Variants in XRN1 observed in about 807,000 individuals in gnomAD.
XRN1 encodes strand-exchange protein 1 homolog.
XRN1 carries 67 observed loss-of-function variants against 222.3 expected under a neutral mutation model. The ratio of observed to expected loss-of-function variants is 0.30; its 90% confidence interval spans 0.25 to 0.37. XRN1 has a LOEUF of 0.37. Ranked by LOEUF, XRN1 falls within the 10% of genes least tolerant of loss-of-function variation. The pLI is 1.00. For missense variants in XRN1, 1,707 were observed against 2,000.2 expected (o/e 0.85, Z 2.80); for synonymous variants, 643 against 652.4 (o/e 0.99, Z 0.22).
intron 33 of XRN1, among the ~76,000 whole-genome samples, chr3:142,336,237 GA>G (rs1203465326): frequency 6.6e-6 from 1 of 152,116 alleles, no homozygotes; most frequent in Admixed American, 6.6e-5. Flanking sequence ...TGAAAAATAT[GA>G]GGGGCATGAG....
At chr3:142,430,804 C>T (rs185872438) in intron 2 of XRN1, among the ~76,000 whole-genome samples, 1 of 152,284 alleles carries the variant, frequency 6.6e-6, no homozygotes, top group Admixed American at 6.5e-5. Context: ...ACCCATGAAC[C>T]GGGACACAGC....
At chr3:142,356,382 A>T (rs541582371) in intron 31 of XRN1, among the ~76,000 whole-genome samples, 2 of 152,276 alleles carry the variant, frequency 1.3e-5, no homozygotes, top group African/African-American at 4.8e-5. Flanking sequence ...TATTTGGGTT[A>T]AAAAAACGTA....
intron 15 of XRN1, among the ~76,000 whole-genome samples, chr3:142,406,783 G>A (rs1020516409): frequency 6.6e-6 from 1 of 151,822 alleles, no homozygotes; most frequent in South Asian, 2.1e-4. Context: ...CCAAAGTGTT[G>A]AGATTACAGG....
At chr3:142,433,939 T>A (rs1220866393) in intron 1 of XRN1, among the ~76,000 whole-genome samples, 1 of 152,224 alleles carries the variant, frequency 6.6e-6, no homozygotes, top group East Asian at 1.9e-4. Flanking sequence ...CATCAAAACA[T>A]ATTTTTATGA....
rs181945101 is a variant in XRN1, at chr3:142,426,536, A to G, written c.406+208T>C. 5 of 531,470 alleles carry G rather than the reference A, an allele frequency of 9.4e-6. No individual in the cohort carries two copies. In the East Asian group the frequency reaches 9.4e-5, roughly 10 times the overall value. The allele number at this position is 531,470 out of a possible 1,614,324, so 32.9% of individuals were successfully genotyped here. ...TTCCTGTCCATATCTGCTCTAATTTATCTACATCTGAAAATCCCTACAGTT... is the reference window on the plus strand; with the variant it reads ...TTCCTGTCCATATCTGCTCTAATTTGTCTACATCTGAAAATCCCTACAGTT... On this transcript the variant is annotated intron_variant, in intron 3 of 40. Transcript: ENST00000392981.
chr3:142,353,448 T>C (rs1178200601), intron 32 of XRN1, among the ~76,000 whole-genome samples: 1 of 152,118 alleles, frequency 6.6e-6, no homozygotes, highest in East Asian at 1.9e-4. Context: ...GTATCTGCCA[T>C]GTAACAAAAG....
chr3:142,347,339 C>A lies in XRN1; in HGVS notation c.3772G>T (p.Ala1258Ser). ...TGGCTTATTTCTTGAGGTAGAACTGCACCCTGAAAATTAAAATTCTTATAA... is the reference window on the plus strand; with the variant it reads ...TGGCTTATTTCTTGAGGTAGAACTGAACCCTGAAAATTAAAATTCTTATAA... ...YFQPTIQEKG[A>S]VLPQEISQVN... Residue 1258 changes from alanine (A) to serine (S), a missense_variant, in exon 33 of 41, where the codon GCA becomes TCA. By Grantham distance (99) the Ala-to-Ser change is moderately conservative. Around this residue, in one of 2 missense-constraint regions of XRN1, gnomAD observed 1,234 missense variants for 1,518.2 expected, o/e 0.81. Coordinates refer to ENST00000392981, the MANE Select transcript of XRN1 (RefSeq NM_001282857.2). The A allele has an allele frequency of 6.4e-7, 1 of 1,558,072 alleles. No homozygotes were observed. The highest frequency in any genetic ancestry group is 1.3e-5 in the South Asian group (1 of 78,474).
chr3:142,435,756 A>AC lies in XRN1; in HGVS notation c.76-2864dup, dbSNP rs1297287333. ...TTGGCAACAGAGTGAAACTGTCCCC[A>AC]CCCCCCAAAAAAAAAAAAAAAAAAA... is the stretch of plus-strand genomic sequence containing the variant. On this transcript the variant is annotated intron_variant, in intron 1 of 40. Transcript: ENST00000392981. 6.5e-3 allele frequency among the ~76,000 whole-genome samples: 537 copies of AC among 82,276 alleles called. 5 individuals carry two copies. Among genetic ancestry groups the AC allele is most frequent in the African/African-American group, 0.028 (496 of 17,684 alleles). The allele number at this position is 82,276 out of a possible 152,430, so 54.0% of individuals were successfully genotyped here.
At chr3:142,330,286 A>G (rs1289119254) in intron 36 of XRN1, among the ~76,000 whole-genome samples, 3 of 152,194 alleles carry the variant, frequency 2.0e-5, no homozygotes. Context: ...TCCACCTTAC[A>G]TTCTGAGACA....
At chr3:142,433,702 T>A (rs983423700) in intron 1 of XRN1, among the ~76,000 whole-genome samples, 4 of 152,220 alleles carry the variant, frequency 2.6e-5, no homozygotes, top group African/African-American at 4.8e-5. Flanking sequence ...AAGAGTTATA[T>A]TTTGTACTGT....
At position 142,377,190 on chromosome 3, in the gene XRN1, T is replaced by C. The variant is rs533642118; in HGVS notation, c.2716-596A>G. On this transcript the variant is annotated intron_variant, in intron 23 of 40. Coordinates refer to ENST00000392981, the MANE Select transcript of XRN1 (RefSeq NM_001282857.2). Reference sequence around the variant, plus strand: ...CAATGAAATGTAACCTTAATTTATATACTTAAGGGAAGAAAACATATTGTC... The same window carrying C: ...CAATGAAATGTAACCTTAATTTATACACTTAAGGGAAGAAAACATATTGTC... 1.1e-4 allele frequency among the ~76,000 whole-genome samples: 17 copies of C among 150,940 alleles called. No individual in the cohort carries two copies. In the South Asian group the frequency reaches 3.6e-3, roughly 32 times the overall value.
chr3:142,373,633 T>C (rs2067051477), intron 25 of XRN1, among the ~76,000 whole-genome samples: 2 of 152,074 alleles, frequency 1.3e-5, no homozygotes, highest in South Asian at 2.1e-4. Context: ...AGAATCAGAA[T>C]GGCACAGGCT....
At chr3:142,354,282 C>G (rs1287904612) in intron 32 of XRN1, among the ~76,000 whole-genome samples, 1 of 151,998 alleles carries the variant, frequency 6.6e-6, no homozygotes, top group Admixed American at 6.6e-5. Context: ...ATAACGGATG[C>G]TGGTGAGGCT....
rs1424995554 is a variant in XRN1, at chr3:142,306,904, A to AT, written c.*4606dup. The AT allele has an allele frequency of 6.5e-6, 1 of 152,672 alleles. No individual in the cohort carries two copies. Among genetic ancestry groups the AT allele is most frequent in the African/African-American group, 2.4e-5 (1 of 41,464 alleles). The allele number at this position is 152,672 out of a possible 1,614,324, so 9.5% of individuals were successfully genotyped here. A position where few individuals can be genotyped will look rare whatever the true frequency, so the allele number is the denominator to read the frequency against. The stretch of plus-strand genomic sequence containing the variant: ...AATTTTTAATAAAATACTTCTCTGT[A>AT]TAAGATCTAATGAAAAATTCCAGTT... On this transcript the variant is annotated 3_prime_UTR_variant, in exon 41 of 41. Coordinates refer to ENST00000392981, the MANE Select transcript of XRN1 (RefSeq NM_001282857.2).
chr3:142,421,438 A>C, intron 9 of XRN1, 38 bp downstream of exon 9: 1 of 1,510,696 alleles, frequency 6.6e-7, no homozygotes, highest in Non-Finnish European at 9.1e-7. Context: ...ATTTACAGCT[A>C]CTCTGCGACA....
At position 142,311,578 on chromosome 3, in the gene XRN1, A is replaced by T. The variant is rs761204661; in HGVS notation, c.5018T>A (p.Ile1673Asn). 3.1e-6 allele frequency: 5 copies of T among 1,613,840 alleles called. No individual in the cohort carries two copies. In the Admixed American group the frequency reaches 5.0e-5, roughly 16 times the overall value. ...TCTTGATTTTCTTCTTGAAGAAGAG[A>T]TTGGTGTTGACTTATGGTGAGATAT... ...HSISHHKSTP[I>N]SSSRRKSRKL... is the part of the protein sequence containing the mutation. The change falls in exon 41 of 41, where the codon ATC (isoleucine) becomes AAC (asparagine). Residue 1673 changes from isoleucine (I) to asparagine (N), a missense_variant. Around this residue, in one of 2 missense-constraint regions of XRN1, gnomAD observed 473 missense variants for 482.0 expected, o/e 0.98. Coordinates refer to ENST00000392981, the MANE Select transcript of XRN1 (RefSeq NM_001282857.2).
At chr3:142,444,513 G>A (rs1040611397) in intron 1 of XRN1, among the ~76,000 whole-genome samples, 3 of 152,124 alleles carry the variant, frequency 2.0e-5, no homozygotes, top group Non-Finnish European at 4.4e-5. Flanking sequence ...GGTGGCTAAG[G>A]CACAAGACTT....
chr3:142,314,904 CAAA>C (rs776430519), intron 39 of XRN1, among the ~76,000 whole-genome samples: 638 of 22,170 alleles, frequency 0.029, no homozygotes, highest in African/African-American at 0.072. Context: ...GACTCTGTCT[CAAA>C]AAAAAAAAAA....
At chr3:142,367,253 C>A (rs1207235300) in intron 27 of XRN1, among the ~76,000 whole-genome samples, 1 of 151,818 alleles carries the variant, frequency 6.6e-6, no homozygotes, top group African/African-American at 2.4e-5. Flanking sequence ...CACCACTGCA[C>A]TCCAGCCTGG....
Sources: gnomAD v4.1 joint callset for allele counts (sites outside exome capture counted in the v4.1 genomes callset) on GRCh38, gnomAD v4.1.1 for gene constraint, gnomAD v4.1.1 regional missense constraint, MANE v1.5 for transcripts, NCBI Gene and HGNC (gene_info 2026-07-23, HGNC 2026-07-21) for gene names.